ADAMTSL1: variants seen among roughly 807,000 people sequenced by gnomAD.
The protein encoded by ADAMTSL1 is ADAMTS-like protein 1.
Under a neutral mutation model 201.8 loss-of-function variants are expected in ADAMTSL1, and 126 were observed. The observed-to-expected ratio is 0.62, with a 90% confidence interval of 0.54 to 0.72. The LOEUF (loss-of-function observed/expected upper bound fraction) is 0.72. Among genes scored for constraint, ADAMTSL1 ranks in the 30% least tolerant of loss-of-function variants. The pLI, the probability that ADAMTSL1 is intolerant of heterozygous loss-of-function variation, is 0.00. For synonymous variants in ADAMTSL1, 1,121 were observed against 903.4 expected (o/e 1.24, Z -4.32); for missense variants, 2,679 against 2,277.8 (o/e 1.18, Z -3.59).
intron 5 of ADAMTSL1, among the ~76,000 whole-genome samples, chr9:18,622,852 C>T (rs752323057): frequency 6.6e-6 from 1 of 151,992 alleles, no homozygotes; most frequent in African/African-American, 2.4e-5. Flanking sequence ...GATTACGTGA[C>T]GTTTTGGATT....
intron 2 of ADAMTSL1, among the ~76,000 whole-genome samples, chr9:18,321,793 A>T (rs1173027004): frequency 2.0e-5 from 3 of 152,078 alleles, no homozygotes; most frequent in African/African-American, 4.8e-5. Flanking sequence ...ACTCCATGTC[A>T]AAAAAACCAA....
intron 3 of ADAMTSL1, among the ~76,000 whole-genome samples, chr9:18,543,284 A>G (rs1300851084): frequency 2.0e-5 from 3 of 152,162 alleles, no homozygotes; most frequent in East Asian, 3.8e-4. Context: ...TGCTAGAACA[A>G]AAGGATGTTC....
At chr9:18,479,830 CA>C (rs1821632816) in intron 1 of ADAMTSL1, among the ~76,000 whole-genome samples, 1 of 152,096 alleles carries the variant, frequency 6.6e-6, no homozygotes, top group African/African-American at 2.4e-5. Context: ...GGGAAAAGTA[CA>C]AGTAGGAAGG....
intron 4 of ADAMTSL1, among the ~76,000 whole-genome samples, chr9:18,615,915 A>G (rs1825675099): frequency 1.3e-5 from 2 of 152,160 alleles, no homozygotes; most frequent in Non-Finnish European, 2.9e-5. Flanking sequence ...GTATAGCTGC[A>G]CATGTGCCAG....
chr9:18,606,877 T>C (rs530896786), intron 4 of ADAMTSL1, among the ~76,000 whole-genome samples: 3 of 152,308 alleles, frequency 2.0e-5, no homozygotes, highest in East Asian at 1.9e-4. Context: ...TTCAGAATAA[T>C]TGTGGCTCAC....
chr9:18,291,661 C>G (rs1177253968), intron 2 of ADAMTSL1, among the ~76,000 whole-genome samples: 1 of 151,384 alleles, frequency 6.6e-6, no homozygotes, highest in African/African-American at 2.4e-5. Flanking sequence ...GACAATCTCT[C>G]CCCATCATCT....
intron 1 of ADAMTSL1, among the ~76,000 whole-genome samples, chr9:18,009,657 C>T (rs1355680473): frequency 1.3e-5 from 2 of 151,940 alleles, no homozygotes; most frequent in Non-Finnish European, 2.9e-5. Flanking sequence ...AAGAACAATA[C>T]AGAGAAGGAA....
chr9:17,949,289 C>T (rs1017503451), intron 1 of ADAMTSL1, among the ~76,000 whole-genome samples: 3 of 152,118 alleles, frequency 2.0e-5, no homozygotes, highest in Non-Finnish European at 4.4e-5. Context: ...GGGACAGAGT[C>T]AGGAGGTGGT....
At chr9:18,661,053 T>A (rs71506893) in intron 8 of ADAMTSL1, among the ~76,000 whole-genome samples, 15,326 of 152,244 alleles carry the variant, frequency 0.1, 1,017 homozygotes, top group Non-Finnish European at 0.14. Flanking sequence ...CCTAATTTTT[T>A]AAAATTCTCT....
intron 2 of ADAMTSL1, among the ~76,000 whole-genome samples, chr9:18,364,506 G>A (rs905568031): frequency 1.5e-4 from 23 of 152,034 alleles, no homozygotes; most frequent in African/African-American, 4.6e-4. Flanking sequence ...CAAGAGACAC[G>A]AGTTCTTAAC....
intron 1 of ADAMTSL1, among the ~76,000 whole-genome samples, chr9:18,498,374 T>A (rs1822642207): frequency 6.6e-6 from 1 of 150,772 alleles, no homozygotes; most frequent in African/African-American, 2.4e-5. Flanking sequence ...TTTACTCTTG[T>A]TGCCCAGGCT....
At chr9:18,325,621 A>G (rs1185114306) in intron 2 of ADAMTSL1, among the ~76,000 whole-genome samples, 2 of 152,226 alleles carry the variant, frequency 1.3e-5, no homozygotes, top group South Asian at 4.1e-4. Flanking sequence ...TGGGAAGTCC[A>G]AGATCAAGGT....
intron 4 of ADAMTSL1, among the ~76,000 whole-genome samples, chr9:18,604,709 C>A (rs1824898035): frequency 6.6e-6 from 1 of 152,166 alleles, no homozygotes; most frequent in African/African-American, 2.4e-5. Context: ...AATTATGCTG[C>A]TGTGAACATA....
chr9:18,574,163 A>C lies in ADAMTSL1; in HGVS notation c.371A>C (p.Gln124Pro). The C allele has an allele frequency of 6.2e-7, 1 of 1,614,184 alleles. No homozygotes were observed. Among genetic ancestry groups the C allele is most frequent in the Non-Finnish European group, 8.5e-7 (1 of 1,180,022 alleles). The change falls in exon 4 of 29, where the codon CAA becomes CCA. Residue 124 changes from glutamine (Q) to proline (P), a missense_variant. Coordinates refer to ENST00000380548, the MANE Select transcript of ADAMTSL1 (RefSeq NM_001040272.6). ...DPDNPCSLKC[Q>P]AKGTTLVVEL... ...GACAACCCATGTTCACTCAAGTGCCAAGCCAAAGGAACAACCCTGGTTGTT... is the reference window on the plus strand; with the variant it reads ...GACAACCCATGTTCACTCAAGTGCCCAGCCAAAGGAACAACCCTGGTTGTT...
chr9:18,541,176 C>G (rs896147878), intron 3 of ADAMTSL1, among the ~76,000 whole-genome samples: 3 of 152,174 alleles, frequency 2.0e-5, no homozygotes, highest in Non-Finnish European at 4.4e-5. Flanking sequence ...CTTTCAGAGT[C>G]TGCATGCATT....
At chr9:18,611,319 C>T (rs747235236) in intron 4 of ADAMTSL1, among the ~76,000 whole-genome samples, 11 of 152,160 alleles carry the variant, frequency 7.2e-5, no homozygotes, top group Non-Finnish European at 1.3e-4. Context: ...GTTTCGCATT[C>T]TCCAGACACC....
chr9:18,779,863 G>C (rs1821283583), intron 19 of ADAMTSL1, among the ~76,000 whole-genome samples: 1 of 152,190 alleles, frequency 6.6e-6, no homozygotes, highest in Non-Finnish European at 1.5e-5. Context: ...AGTTTATCAA[G>C]TGTAGGTACA....
intron 15 of ADAMTSL1, among the ~76,000 whole-genome samples, chr9:18,745,974 A>G (rs914359661): frequency 2.0e-5 from 3 of 152,174 alleles, no homozygotes; most frequent in Admixed American, 1.3e-4. Context: ...AGTCCCTACA[A>G]AGTGGAAGAG....
chr9:18,835,784 T>G (rs1162941068), intron 23 of ADAMTSL1, among the ~76,000 whole-genome samples: 1 of 152,160 alleles, frequency 6.6e-6, no homozygotes, highest in African/African-American at 2.4e-5. Context: ...TGCATTATCC[T>G]GCTTAGGATA....
Sources: gnomAD v4.1 joint callset for allele counts (sites outside exome capture counted in the v4.1 genomes callset) on GRCh38, gnomAD v4.1.1 for gene constraint, MANE v1.5 for transcripts, NCBI Gene and HGNC (gene_info 2026-07-23, HGNC 2026-07-21) for gene names.